OTOP2: variants seen among roughly 807,000 people sequenced by gnomAD.
OTOP2 encodes the protein otopetrin 2.
A neutral mutation model predicts 47.4 loss-of-function variants in OTOP2; 41 were observed. That is an observed-to-expected ratio of 0.87 (90% CI 0.67 to 1.12). The LOEUF (loss-of-function observed/expected upper bound fraction) is 1.12. Ranked by LOEUF, OTOP2 falls within the 50% of genes most tolerant of loss-of-function variation. The pLI is 0.00. For synonymous variants in OTOP2, 328 were observed against 319.6 expected, an observed-to-expected ratio of 1.03 and a Z score of -0.28; for missense variants, 721 against 752.2, an observed-to-expected ratio of 0.96 and a Z score of 0.49.
rs758740798 is a variant in OTOP2 at position 74,930,615 on chromosome 17, T to C, written c.980T>C (p.Ile327Thr). ...AGCCGCACCAGGCAGGCCCTGGTCA[T>C]CTACTACAGCTTCAACATTGTCTGC... ...DGSRTRQALV[I>T]YYSFNIVCLG... The change falls in exon 6 of 7, where the codon ATC becomes ACC. Residue 327 changes from isoleucine to threonine, a missense_variant. Ile to Thr is a moderately conservative substitution (Grantham distance 89). Transcript: ENST00000331427. The surrounding 1 kb of genome is among the most constrained non-coding windows in gnomAD (Gnocchi z 4.0). The C allele has an allele frequency of 3.1e-6, 5 of 1,613,916 alleles. No homozygotes were observed. The African/African-American group carries it at 6.7e-5, about 22-fold the overall frequency.
Position 74,924,656 on chromosome 17 carries a change from C to A in OTOP2, c.24C>A (p.Gly8=). The A allele has an allele frequency of 6.3e-7, 1 of 1,587,696 alleles. No homozygotes were observed. Among genetic ancestry groups the A allele is most frequent in the Admixed American group, 1.7e-5 (1 of 58,154 alleles). The change falls in exon 2 of 7, where the codon GGC becomes GGA. Residue 8 remains glycine, a synonymous_variant. Coordinates refer to ENST00000331427, the MANE Select transcript of OTOP2 (RefSeq NM_178160.3). The surrounding 1 kb of genome is among the most constrained non-coding windows in gnomAD (Gnocchi z 7.7). ...CCATGTCCGAGGAGCTGGCCCAGGG[C>A]CCCAAGGAGAGCCCCCCGGCGCCGC... The part of the protein sequence containing the change: MSEELAQ[G]PKESPPAPRA...
rs2038982858 is a variant in OTOP2 at position 74,924,344 on chromosome 17, C to T, written c.-34+11C>T. 1 of 392,966 alleles carries T rather than the reference C, an allele frequency of 2.5e-6. No individual in the cohort carries two copies. Among genetic ancestry groups the T allele is most frequent in the Non-Finnish European group, 4.5e-6 (1 of 220,384 alleles). 24.3% of individuals were successfully genotyped at this position (392,966 alleles called of 1,614,324 possible). ...TCCAAGCCCAGCCAGGTGGGTGCCC[C>T]GGGCCGGAGGGCAGTCGGACTTGGG... On this transcript the variant is annotated intron_variant, in intron 1 of 6. Transcript: ENST00000331427. The surrounding 1 kb of genome is among the most constrained non-coding windows in gnomAD (Gnocchi z 7.7).
At chr17:74,925,488 C>T in intron 2 of OTOP2, 68 bp from the exon 3 acceptor site, 2 of 1,582,700 alleles carry the variant, frequency 1.3e-6, no homozygotes, top group South Asian at 1.2e-5. Flanking sequence ...GGCCTGTCCT[C>T]AGCTCGGCAG....
chr17:74,930,399 C>G lies in OTOP2; in HGVS notation c.764C>G (p.Ser255Cys). Residue 255 changes from serine (S) to cysteine (C), a missense_variant, in exon 6 of 7, where the codon TCC becomes TGC. Physicochemically the swap from Ser to Cys is moderately radical, Grantham distance 112 (BLOSUM62 -1). Coordinates refer to ENST00000331427, the MANE Select transcript of OTOP2 (RefSeq NM_178160.3). This position sits in a 1 kb window ranked among gnomAD's most constrained non-coding sequence, Gnocchi z 4.0. ...PFNIEYSLFA[S>C]TMLYVMWKNV... ...AACATCGAGTACAGCCTCTTCGCCT[C>G]CACCATGCTGTATGTCATGTGGAAG... 1 of 1,614,190 alleles carries G rather than the reference C, an allele frequency of 6.2e-7. No individual in the cohort carries two copies.
Position 74,924,866 on chromosome 17 carries a change from C to A in OTOP2, c.234C>A (p.Leu78=). 6.2e-7 allele frequency: 1 copy of A among 1,605,244 alleles called. No individual in the cohort carries two copies. Among genetic ancestry groups the A allele is most frequent in the Non-Finnish European group, 8.5e-7 (1 of 1,176,450 alleles). Residue 78 remains leucine, a synonymous_variant, in exon 2 of 7, where the codon CTC becomes CTA. Coordinates refer to ENST00000331427, the MANE Select transcript of OTOP2 (RefSeq NM_178160.3). The surrounding 1 kb of genome is among the most constrained non-coding windows in gnomAD (Gnocchi z 7.7). ...TGCTGCTGGCAACGCTCTGGATCCT[C>A]TTCTACCTCCTCCGAACCGTGCGCT... ...AMMLLATLWI[L]FYLLRTVRCP...
Position 74,924,822 on chromosome 17 carries a change from G to T in OTOP2, c.190G>T (p.Ala64Ser). 2 of 1,611,230 alleles carry T rather than the reference G, an allele frequency of 1.2e-6. No homozygotes were observed. Among genetic ancestry groups the T allele is most frequent in the Non-Finnish European group, 1.7e-6 (2 of 1,178,984 alleles). Residue 64 changes from alanine (A) to serine (S), a missense_variant, in exon 2 of 7, where the codon GCG becomes TCG. Ala to Ser is a moderately conservative substitution (Grantham distance 99, BLOSUM62 1). Coordinates refer to ENST00000331427, the MANE Select transcript of OTOP2 (RefSeq NM_178160.3). The surrounding 1 kb of genome is among the most constrained non-coding windows in gnomAD (Gnocchi z 7.7). The stretch of plus-strand genomic sequence containing the variant: ...GGCCGTGTACGACACCGACGTGTTC[G>T]CGCTGCTCACTGCGATGATGCTGCT... ...KVAVYDTDVFALLTAMMLLAT... is the reference protein window; with the variant it reads ...KVAVYDTDVFSLLTAMMLLAT...
In OTOP2 at chr17:74,930,134, G is replaced by T; in HGVS notation, c.644-145G>T. The T allele has an allele frequency of 3.3e-6, 3 of 900,900 alleles. No individual in the cohort carries two copies. The highest frequency in any genetic ancestry group is 4.9e-6 in the Non-Finnish European group (3 of 616,086). 55.8% of individuals were successfully genotyped at this position (900,900 alleles called of 1,614,324 possible). A position where few individuals can be genotyped will look rare whatever the true frequency, so the allele number is the denominator to read the frequency against. On this transcript the variant is annotated intron_variant, in intron 5 of 6. Coordinates refer to ENST00000331427, the MANE Select transcript of OTOP2 (RefSeq NM_178160.3). The surrounding 1 kb of genome is among the most constrained non-coding windows in gnomAD (Gnocchi z 4.0). ...GGAGGTGAAGCTTGCAGTGAGCCAAGATCACACCATTGCACTCCAGCCTGA... is the reference window on the plus strand; with the variant it reads ...GGAGGTGAAGCTTGCAGTGAGCCAATATCACACCATTGCACTCCAGCCTGA...
At chr17:74,927,417 G>T in intron 4 of OTOP2, 136 bp downstream of exon 4, 3 of 1,169,254 alleles carry the variant, frequency 2.6e-6, no homozygotes, top group Non-Finnish European at 3.8e-6. Flanking sequence ...TCCTTGCTTT[G>T]TCAGGCTGAC....
chr17:74,933,602 C>G lies in OTOP2; in HGVS notation c.*57C>G. ...AGGGGGCTCAGCTCATGTGCCCACT[C>G]AGACACCCTCTGGGAATGAATCCCA... On this transcript the variant is annotated 3_prime_UTR_variant, in exon 7 of 7. Transcript: ENST00000331427. The surrounding 1 kb of genome is among the most constrained non-coding windows in gnomAD (Gnocchi z 4.7). 2 of 1,505,694 alleles carry G rather than the reference C, an allele frequency of 1.3e-6. No individual in the cohort carries two copies. Among genetic ancestry groups the G allele is most frequent in the Non-Finnish European group, 1.8e-6 (2 of 1,110,648 alleles). The allele number at this position is 1,505,694 out of a possible 1,614,324, so 93.3% of individuals were successfully genotyped here.
chr17:74,924,824 G>A lies in OTOP2; in HGVS notation c.192G>A (p.Ala64=), dbSNP rs776164275. The part of the protein sequence containing the change: ...KVAVYDTDVF[A]LLTAMMLLAT... ...CCGTGTACGACACCGACGTGTTCGC[G>A]CTGCTCACTGCGATGATGCTGCTGG... The change falls in exon 2 of 7, where the codon GCG becomes GCA. Residue 64 remains alanine, a synonymous_variant. Transcript: ENST00000331427. The surrounding 1 kb of genome is among the most constrained non-coding windows in gnomAD (Gnocchi z 7.7). 1 of 1,610,892 alleles carries A rather than the reference G, an allele frequency of 6.2e-7. No individual in the cohort carries two copies. The highest frequency in any genetic ancestry group is 1.7e-5 in the Admixed American group (1 of 59,654).
At chr17:74,929,696 G>C (rs915394902) in intron 5 of OTOP2, among the ~76,000 whole-genome samples, 2 of 152,176 alleles carry the variant, frequency 1.3e-5, no homozygotes, top group African/African-American at 4.8e-5. Context: ...AAAGTGTTGG[G>C]ATTACAGGTG....
intron 3 of OTOP2, among the ~76,000 whole-genome samples, 182 bp from the exon 4 acceptor site, chr17:74,927,041 C>T (rs1185205249): frequency 6.6e-6 from 1 of 152,212 alleles, no homozygotes; most frequent in African/African-American, 2.4e-5. Context: ...TCCCAAAGTG[C>T]TGGGATTACA....
chr17:74,926,822 C>T (rs1236833543), intron 3 of OTOP2, among the ~76,000 whole-genome samples: 2 of 151,446 alleles, frequency 1.3e-5, no homozygotes, highest in Admixed American at 6.6e-5. Context: ...TGCAGTGGCA[C>T]GATCTCGGCT....
chr17:74,932,625 C>A (rs189291065), intron 6 of OTOP2, among the ~76,000 whole-genome samples: 113 of 152,374 alleles, frequency 7.4e-4, no homozygotes, highest in African/African-American at 2.6e-3. Context: ...TAGGGGCCAC[C>A]TTCTGGGAGG....
chr17:74,933,712 TCA>T lies in OTOP2; in HGVS notation c.*170_*171del, dbSNP rs1274111593. On this transcript the variant is annotated 3_prime_UTR_variant, in exon 7 of 7. Transcript: ENST00000331427. The surrounding 1 kb of genome is among the most constrained non-coding windows in gnomAD (Gnocchi z 4.7). ...TATTTTTCCAGGTTCAATTTTTAAATCACAGTCAGGACAGGCCCATCCACCCC... is the reference window on the plus strand; with the variant it reads ...TATTTTTCCAGGTTCAATTTTTAAATCAGTCAGGACAGGCCCATCCACCCC... 1 of 864,310 alleles carries T rather than the reference TCA, an allele frequency of 1.2e-6. No homozygotes were observed. The highest frequency in any genetic ancestry group is 2.9e-5 in the Admixed American group (1 of 34,392). The allele number at this position is 864,310 out of a possible 1,614,324, so 53.5% of individuals were successfully genotyped here.
rs1235469316 is a variant in OTOP2, at chr17:74,933,455, G to C, written c.1599G>C (p.Trp533Cys). The change falls in exon 7 of 7, where the codon TGG becomes TGC. Residue 533 changes from tryptophan to cysteine, a missense_variant. Trp to Cys is a radical substitution (Grantham distance 215). Transcript: ENST00000331427. This position sits in a 1 kb window ranked among gnomAD's most constrained non-coding sequence, Gnocchi z 4.7. ...VEVDFYGYSL[W>C]AVIVNICLPF... Reference sequence around the variant, plus strand: ...TGGATTTCTACGGCTACTCCCTCTGGGCGGTCATCGTCAACATCTGCCTCC... The same window carrying C: ...TGGATTTCTACGGCTACTCCCTCTGCGCGGTCATCGTCAACATCTGCCTCC... The C allele has an allele frequency of 6.2e-7, 1 of 1,614,126 alleles. No individual in the cohort carries two copies. Among genetic ancestry groups the C allele is most frequent in the Admixed American group, 1.7e-5 (1 of 60,014 alleles).
Position 74,930,751 on chromosome 17 carries a change from G to T in OTOP2, c.1116G>T (p.Leu372=). ...NPTRTLDVAL[L]MGAALGQYAI... The stretch of plus-strand genomic sequence containing the variant: ...CGCGCACTCTGGACGTGGCCCTGCT[G>T]ATGGGTGCCGCCCTGGGTCAGTACG... Residue 372 remains leucine, a synonymous_variant, in exon 6 of 7, where the codon CTG becomes CTT. Transcript: ENST00000331427. This position sits in a 1 kb window ranked among gnomAD's most constrained non-coding sequence, Gnocchi z 4.0. 6.2e-7 allele frequency: 1 copy of T among 1,614,082 alleles called. No individual in the cohort carries two copies. Among genetic ancestry groups the T allele is most frequent in the East Asian group, 2.2e-5 (1 of 44,880 alleles).
chr17:74,924,608 C>G lies in OTOP2; in HGVS notation c.-25C>G. Reference sequence around the variant, plus strand: ...CCGCTCCTCCCCTACAGTGATCCCTCTAGCCTTCTCCAGTCGCCTCCGCCA... The same window carrying G: ...CCGCTCCTCCCCTACAGTGATCCCTGTAGCCTTCTCCAGTCGCCTCCGCCA... On this transcript the variant is annotated 5_prime_UTR_variant, in exon 2 of 7. Transcript: ENST00000331427. This position sits in a 1 kb window ranked among gnomAD's most constrained non-coding sequence, Gnocchi z 7.7. 1 of 1,532,672 alleles carries G rather than the reference C, an allele frequency of 6.5e-7. No homozygotes were observed. Among genetic ancestry groups the G allele is most frequent in the Non-Finnish European group, 8.7e-7 (1 of 1,145,946 alleles). The allele number at this position is 1,532,672 out of a possible 1,614,324, so 94.9% of individuals were successfully genotyped here. A position where few individuals can be genotyped will look rare whatever the true frequency, so the allele number is the denominator to read the frequency against.
In OTOP2 at chr17:74,930,632, A is replaced by G; in HGVS notation, c.997A>G (p.Ile333Val). 6.2e-7 allele frequency: 1 copy of G among 1,613,822 alleles called. No homozygotes were observed. Among genetic ancestry groups the G allele is most frequent in the Non-Finnish European group, 8.5e-7 (1 of 1,179,990 alleles). The stretch of plus-strand genomic sequence containing the variant: ...CCTGGTCATCTACTACAGCTTCAAC[A>G]TTGTCTGCTTGGGACTCACCACCTT... The part of the protein sequence containing the change: ...QALVIYYSFN[I>V]VCLGLTTLVS... The change falls in exon 6 of 7, where the codon ATT (isoleucine) becomes GTT (valine). Residue 333 changes from isoleucine (I) to valine (V), a missense_variant. Transcript: ENST00000331427. The surrounding 1 kb of genome is among the most constrained non-coding windows in gnomAD (Gnocchi z 4.0).
Sources: gnomAD v4.1 joint callset for allele counts (sites outside exome capture counted in the v4.1 genomes callset) on GRCh38, gnomAD v4.1.1 for gene constraint, Gnocchi (gnomAD v3.1) non-coding constraint, MANE v1.5 for transcripts, NCBI Gene and HGNC (gene_info 2026-07-23, HGNC 2026-07-21) for gene names.